Variants in PIK3R6 observed in about 807,000 individuals in gnomAD.
The protein encoded by PIK3R6 is phosphoinositide 3-kinase regulatory subunit 6.
PIK3R6 carries 91 observed loss-of-function variants against 84.9 expected under a neutral mutation model. That is an observed-to-expected ratio of 1.07 (90% CI 0.90 to 1.28). The LOEUF is 1.28. PIK3R6 is among the 50% of genes most tolerant of loss of function. The pLI, the probability that PIK3R6 is intolerant of heterozygous loss-of-function variation, is 0.00. For missense variants in PIK3R6, 996 were observed against 985.1 expected (o/e 1.01, Z -0.15); for synonymous variants, 416 against 411.4 (o/e 1.01, Z -0.13).
intron 18 of PIK3R6, among the ~76,000 whole-genome samples, chr17:8,816,889 T>G (rs2087560414): frequency 6.6e-6 from 1 of 152,236 alleles, no homozygotes; most frequent in Non-Finnish European, 1.5e-5. Flanking sequence ...CTGAATGATT[T>G]CACTTCTAGG....
chr17:8,823,535 C>T lies in PIK3R6; in HGVS notation c.1516-38G>A, dbSNP rs565198951. On this transcript the variant is annotated intron_variant, in intron 13 of 19. Transcript: ENST00000619866. ...CAGGGAATGTCTTCACCAACTCCCC[C>T]AAGGCCACTGTGGGAGATGCCATTT... 3.3e-5 allele frequency: 47 copies of T among 1,420,824 alleles called. No homozygotes were observed. The South Asian group carries it at 5.1e-4, about 15-fold the overall frequency. The allele number at this position is 1,420,824 out of a possible 1,614,324, so 88.0% of individuals were successfully genotyped here.
chr17:8,830,553 T>C (rs72848136), intron 9 of PIK3R6, among the ~76,000 whole-genome samples: 1,917 of 152,304 alleles, frequency 0.013, 15 homozygotes, highest in African/African-American at 0.027. Flanking sequence ...ACCTACTGCC[T>C]GCCAGGCCTT....
rs2087115760 is a variant in PIK3R6 at position 8,803,787 on chromosome 17, GT to G, written c.2108+253del. 1.2e-5 allele frequency: 7 copies of G among 580,162 alleles called. No individual in the cohort carries two copies. The South Asian group carries it at 1.4e-4, about 12-fold the overall frequency. The allele number at this position is 580,162 out of a possible 1,614,324, so 35.9% of individuals were successfully genotyped here. A position where few individuals can be genotyped will look rare whatever the true frequency, so the allele number is the denominator to read the frequency against. The stretch of plus-strand genomic sequence containing the variant: ...ACTGGATCAGGAGGCTGCAGGCTGA[GT>G]GTATGCAGAGGCATCTGGGGAAAAT... On this transcript the variant is annotated intron_variant, in intron 19 of 19. Transcript: ENST00000619866. The surrounding 1 kb of genome is among the most constrained non-coding windows in gnomAD (Gnocchi z 5.0).
chr17:8,855,402 A>G (rs750118590), intron 1 of PIK3R6, among the ~76,000 whole-genome samples: 4 of 152,178 alleles, frequency 2.6e-5, no homozygotes, highest in African/African-American at 9.7e-5. Flanking sequence ...TGGGCAAAAG[A>G]TCTAAATAAA....
At position 8,844,479 on chromosome 17, in the gene PIK3R6, G is replaced by C. The variant is rs1475314340; in HGVS notation, c.14-4782C>G. On this transcript the variant is annotated intron_variant, in intron 2 of 19. Transcript: ENST00000619866. The surrounding 1 kb of genome is among the most constrained non-coding windows in gnomAD (Gnocchi z 4.5). ...AAGTGGCTCAGCATTGTTCACATAT[G>C]GTATGCAGGTCTAACATCCTTGATG... Among the ~76,000 whole-genome samples the C allele has an allele frequency of 3.9e-5, 6 of 152,112 alleles. No homozygotes were observed. Among genetic ancestry groups the C allele is most frequent in the Admixed American group, 3.9e-4 (6 of 15,266 alleles).
At chr17:8,843,598 T>C (rs1453901993) in intron 2 of PIK3R6, among the ~76,000 whole-genome samples, 3 of 152,104 alleles carry the variant, frequency 2.0e-5, no homozygotes, top group Non-Finnish European at 4.4e-5. Flanking sequence ...GGTCCACATC[T>C]GGCTTGCTAT....
Position 8,822,780 on chromosome 17 carries a change from GA to G in PIK3R6, c.1718-124del, listed in dbSNP as rs1354538653. On this transcript the variant is annotated intron_variant, in intron 15 of 19. Transcript: ENST00000619866. ...ACCCATCCATCCATCTCCCTGGATG[GA>G]AAGGTGACACCTCCGGGGGCCAGGA... 3 of 1,109,156 alleles carry G rather than the reference GA, an allele frequency of 2.7e-6. No individual in the cohort carries two copies. The African/African-American group carries it at 4.8e-5, about 18-fold the overall frequency. The allele number at this position is 1,109,156 out of a possible 1,614,324, so 68.7% of individuals were successfully genotyped here.
chr17:8,813,871 T>C (rs2087440891), intron 18 of PIK3R6, among the ~76,000 whole-genome samples: 1 of 152,170 alleles, frequency 6.6e-6, no homozygotes, highest in Admixed American at 6.6e-5. Context: ...CCACCGTCAC[T>C]ACTCCTATTC....
intron 18 of PIK3R6, among the ~76,000 whole-genome samples, chr17:8,813,714 A>C (rs1246465803): frequency 1.3e-5 from 2 of 152,252 alleles, no homozygotes; most frequent in African/African-American, 4.8e-5. Flanking sequence ...GCATCTCTTC[A>C]TGATAAAAGC....
Position 8,803,953 on chromosome 17 carries a change from G to T in PIK3R6, c.2108+88C>A. The T allele has an allele frequency of 8.4e-7, 1 of 1,192,112 alleles. No homozygotes were observed. Among genetic ancestry groups the T allele is most frequent in the Non-Finnish European group, 1.2e-6 (1 of 815,324 alleles). 73.8% of individuals were successfully genotyped at this position (1,192,112 alleles called of 1,614,324 possible). On this transcript the variant is annotated intron_variant, in intron 19 of 19. Transcript: ENST00000619866. This position sits in a 1 kb window ranked among gnomAD's most constrained non-coding sequence, Gnocchi z 5.0. ...ATCTACCTCCGATGAGGTGCCTTGA[G>T]CTAGAGGCAGGAGATGGCAGGAGCT...
chr17:8,823,390 G>T lies in PIK3R6; in HGVS notation c.1623C>A (p.Val541=). 6.3e-7 allele frequency: 1 copy of T among 1,590,316 alleles called. No individual in the cohort carries two copies. The highest frequency in any genetic ancestry group is 8.6e-7 in the Non-Finnish European group (1 of 1,159,092). The change falls in exon 14 of 20, where the codon GTC becomes GTA. Residue 541 remains valine, a synonymous_variant. Transcript: ENST00000619866. The part of the protein sequence containing the change: ...TQPIYFQIYT[V]KIFFSDLSQD... ...GAGCCTCCAGTGGGATGCTTACCTT[G>T]ACTGTGTAGATCTGGAAATAGATGG...
intron 18 of PIK3R6, among the ~76,000 whole-genome samples, chr17:8,814,739 G>C (rs1053048134): frequency 1.3e-5 from 2 of 152,038 alleles, no homozygotes; most frequent in Admixed American, 1.3e-4. Flanking sequence ...AAGAAATGAA[G>C]GGAAGGAAAT....
chr17:8,829,609 C>G (rs62067965), intron 10 of PIK3R6, 97 bp downstream of exon 10: 44,138 of 1,255,246 alleles, frequency 0.035, 955 homozygotes, highest in Middle Eastern at 0.054. Context: ...CATACACACA[C>G]TGACACACGC....
intron 13 of PIK3R6, 110 bp from the exon 14 acceptor site, chr17:8,823,607 C>A: frequency 1.4e-6 from 1 of 699,300 alleles, no homozygotes. Flanking sequence ...GATGCACTAA[C>A]CCAGTGCGTC....
chr17:8,859,555 A>G (rs2089222799), intron 1 of PIK3R6, among the ~76,000 whole-genome samples: 1 of 152,216 alleles, frequency 6.6e-6, no homozygotes, highest in Non-Finnish European at 1.5e-5. Flanking sequence ...AAAGATGAGC[A>G]TCTGAATGCA....
At position 8,835,440 on chromosome 17, in the gene PIK3R6, C is replaced by T. The variant is rs1238662288; in HGVS notation, c.478G>A (p.Asp160Asn). 7.0e-6 allele frequency: 11 copies of T among 1,569,072 alleles called. No individual in the cohort carries two copies. Among genetic ancestry groups the T allele is most frequent in the East Asian group, 2.3e-5 (1 of 44,036 alleles). Residue 160 changes from aspartate (D) to asparagine (N), a missense_variant, in exon 8 of 20, where the codon GAT becomes AAT. Coordinates refer to ENST00000619866, the MANE Select transcript of PIK3R6 (RefSeq NM_001010855.4). ...ACAGACGCAGACACCAGCTCAGGAT[C>T]CACGAAGAGGAACACTCTGAGGGCA... ...PYQERVFLFVDPELVSASVCS... is the reference protein window; with the variant it reads ...PYQERVFLFVNPELVSASVCS...
At chr17:8,865,939 G>C (rs1227861617) in intron 1 of PIK3R6, among the ~76,000 whole-genome samples, 1 of 152,130 alleles carries the variant, frequency 6.6e-6, no homozygotes, top group African/African-American at 2.4e-5. Context: ...ATTCAGGTGG[G>C]GCCTGAATGC....
At chr17:8,821,809 TTCTC>T in intron 17 of PIK3R6, 33 bp downstream of exon 17, 2 of 1,545,622 alleles carry the variant, frequency 1.3e-6, no homozygotes, top group South Asian at 1.2e-5. Context: ...TTCTCATCTC[TTCTC>T]TCTTTCTTTG....
intron 2 of PIK3R6, among the ~76,000 whole-genome samples, chr17:8,841,120 T>C (rs1195690668): frequency 7.0e-6 from 1 of 142,928 alleles, no homozygotes; most frequent in Non-Finnish European, 1.5e-5. Context: ...TATTTATTTA[T>C]TTTTTTGAAG....
Sources: gnomAD v4.1 joint callset for allele counts (sites outside exome capture counted in the v4.1 genomes callset) on GRCh38, gnomAD v4.1.1 for gene constraint, Gnocchi (gnomAD v3.1) non-coding constraint, MANE v1.5 for transcripts, NCBI Gene and HGNC (gene_info 2026-07-23, HGNC 2026-07-21) for gene names.